Variants in TMEM163 observed in about 807,000 individuals in gnomAD.
The protein encoded by TMEM163 is transmembrane protein 163.
In TMEM163, 17 loss-of-function variants were observed where a neutral mutation model predicts 29.3. That is an observed-to-expected ratio of 0.58 (90% confidence interval 0.40 to 0.87). TMEM163 has a LOEUF of 0.87. Among genes scored for constraint, TMEM163 ranks in the 40% least tolerant of loss-of-function variants. The probability of loss-of-function intolerance (pLI) is 0.00; values close to 1 mark genes in which losing one functional copy is unlikely to be tolerated. For missense variants in TMEM163, 303 were observed against 381.5 expected, an observed-to-expected ratio of 0.79 and a Z score of 1.71; for synonymous variants, 157 against 160.6, an observed-to-expected ratio of 0.98 and a Z score of 0.17.
intron 7 of TMEM163, among the ~76,000 whole-genome samples, chr2:134,457,578 A>G (rs1357293623): frequency 6.6e-6 from 1 of 152,226 alleles, no homozygotes; most frequent in Non-Finnish European, 1.5e-5. Context: ...GCCTTTCTGC[A>G]CTGACTAGTC....
At chr2:134,502,782 C>T (rs1679726776) in intron 5 of TMEM163, 119 bp downstream of exon 5, 5 of 770,646 alleles carry the variant, frequency 6.5e-6, no homozygotes, top group African/African-American at 3.6e-5. Flanking sequence ...TTCTGACCCC[C>T]AGAATGTTGT....
chr2:134,646,241 C>T (rs1683333923), intron 2 of TMEM163, among the ~76,000 whole-genome samples: 2 of 149,464 alleles, frequency 1.3e-5, no homozygotes, highest in African/African-American at 2.5e-5. Flanking sequence ...CCCGCCACCA[C>T]ATCTGGCGAA....
At chr2:134,569,743 T>C (rs1681379466) in intron 2 of TMEM163, among the ~76,000 whole-genome samples, 2 of 152,212 alleles carry the variant, frequency 1.3e-5, no homozygotes, top group South Asian at 4.1e-4. Flanking sequence ...CCATATACAG[T>C]AGTCCCCTTT....
At chr2:134,503,998 C>T (rs1446395056) in intron 4 of TMEM163, among the ~76,000 whole-genome samples, 1 of 152,198 alleles carries the variant, frequency 6.6e-6, no homozygotes, top group African/African-American at 2.4e-5. Flanking sequence ...AGGTTGAGAT[C>T]ATTCCTGTCC....
chr2:134,656,826 G>A (rs140092628), intron 2 of TMEM163, among the ~76,000 whole-genome samples: 333 of 152,206 alleles, frequency 2.2e-3, no homozygotes, highest in Non-Finnish European at 2.6e-3. Flanking sequence ...TTTATAAAAC[G>A]CTTTTACTTT....
chr2:134,525,373 T>C lies in TMEM163; in HGVS notation c.459-22376A>G, dbSNP rs187896600. Among the ~76,000 whole-genome samples the C allele has an allele frequency of 1.2e-4, 19 of 152,324 alleles. No individual in the cohort carries two copies. In the East Asian group the frequency reaches 2.1e-3, roughly 17 times the overall value. The stretch of plus-strand genomic sequence containing the variant: ...GGAGTCTGAGCAGCACCGCGTTAAA[T>C]GATAAGACTTAGCTTCCTTGGAATT... On this transcript the variant is annotated intron_variant, in intron 4 of 7. Transcript: ENST00000281924.
intron 4 of TMEM163, among the ~76,000 whole-genome samples, chr2:134,527,122 A>G (rs1680313100): frequency 6.6e-6 from 1 of 152,166 alleles, no homozygotes; most frequent in African/African-American, 2.4e-5. Context: ...ATAACAGACT[A>G]TTTGTCAGTC....
chr2:134,666,431 AGCTGCTGAC>A (rs1049041795), intron 2 of TMEM163, among the ~76,000 whole-genome samples: 15 of 152,196 alleles, frequency 9.9e-5, no homozygotes, highest in African/African-American at 3.4e-4. Flanking sequence ...GTTCCTCAGA[AGCTGCTGAC>A]GTTTCTGCCT....
chr2:134,706,194 G>A (rs917183031), intron 2 of TMEM163, among the ~76,000 whole-genome samples: 2 of 152,194 alleles, frequency 1.3e-5, no homozygotes, highest in Admixed American at 1.3e-4. Flanking sequence ...GGGGGTTAGG[G>A]GGATGCTGGG....
chr2:134,525,090 T>C (rs1051856323), intron 4 of TMEM163, among the ~76,000 whole-genome samples: 8 of 152,236 alleles, frequency 5.3e-5, no homozygotes, highest in African/African-American at 1.7e-4. Flanking sequence ...TATTTCATTG[T>C]GGTTTTAATT....
chr2:134,618,502 T>G (rs6728095), intron 2 of TMEM163, among the ~76,000 whole-genome samples: 5 of 151,870 alleles, frequency 3.3e-5, no homozygotes. Context: ...AGAATGAGAA[T>G]CAGTAAAGAT....
intron 2 of TMEM163, among the ~76,000 whole-genome samples, chr2:134,691,052 T>C (rs1684453423): frequency 6.6e-6 from 1 of 151,946 alleles, no homozygotes; most frequent in African/African-American, 2.4e-5. Flanking sequence ...GGAATGGTAG[T>C]CAGGGGTGGG....
chr2:134,522,817 A>G lies in TMEM163; in HGVS notation c.459-19820T>C, dbSNP rs566031924. Among the ~76,000 whole-genome samples, 25 of 152,322 alleles carry G rather than the reference A, an allele frequency of 1.6e-4. No homozygotes were observed. The East Asian group carries it at 2.9e-3, about 18-fold the overall frequency. ...CATTTTTCTCTCATTTGTCTGCCCA[A>G]TGATCTTGAATTAAAGTCACATGCT... is the stretch of plus-strand genomic sequence containing the variant. On this transcript the variant is annotated intron_variant, in intron 4 of 7. Coordinates refer to ENST00000281924, the MANE Select transcript of TMEM163 (RefSeq NM_030923.5).
At position 134,657,011 on chromosome 2, in the gene TMEM163, G is replaced by C. The variant is rs186701908; in HGVS notation, c.322+56189C>G. 6.6e-5 allele frequency among the ~76,000 whole-genome samples: 10 copies of C among 152,262 alleles called. No individual in the cohort carries two copies. The East Asian group carries it at 1.9e-3, about 29-fold the overall frequency. On this transcript the variant is annotated intron_variant, in intron 2 of 7. Transcript: ENST00000281924. ...TTCAATTTCCTAGTATTTTGTTGAG[G>C]ATTTTTGCATCTATGTTAATAAGGG...
chr2:134,574,370 G>A (rs1681498759), intron 2 of TMEM163, among the ~76,000 whole-genome samples: 2 of 152,124 alleles, frequency 1.3e-5, no homozygotes, highest in South Asian at 4.1e-4. Flanking sequence ...GACCAGCCTG[G>A]GCAACATGGC....
chr2:134,502,106 A>T (rs1315235586), intron 5 of TMEM163, among the ~76,000 whole-genome samples: 2 of 152,192 alleles, frequency 1.3e-5, no homozygotes, highest in Non-Finnish European at 2.9e-5. Context: ...ATCTTTTTTC[A>T]AAAGTAAAAT....
At chr2:134,550,319 T>C (rs1680884940) in intron 4 of TMEM163, among the ~76,000 whole-genome samples, 1 of 152,202 alleles carries the variant, frequency 6.6e-6, no homozygotes, top group African/African-American at 2.4e-5. Flanking sequence ...AGCGGATGGA[T>C]AGACCAGCAA....
At chr2:134,505,671 A>T (rs1679806729) in intron 4 of TMEM163, among the ~76,000 whole-genome samples, 1 of 152,160 alleles carries the variant, frequency 6.6e-6, no homozygotes, top group Non-Finnish European at 1.5e-5. Context: ...GAAGGAAGGA[A>T]CAAATGCCTG....
intron 2 of TMEM163, among the ~76,000 whole-genome samples, chr2:134,682,340 G>A (rs115570081): frequency 0.05 from 7,643 of 152,210 alleles, 277 homozygotes; most frequent in Middle Eastern, 0.13. Context: ...TCTTGTTTGG[G>A]GAGAGGCCAA....
Sources: allele counts gnomAD v4.1 joint callset (sites outside exome capture counted in the v4.1 genomes callset), GRCh38; gene constraint gnomAD v4.1.1; transcripts MANE v1.5; gene names NCBI Gene and HGNC (gene_info 2026-07-23, HGNC 2026-07-21).